The following CCDC171 variants were observed in gnomAD, a reference collection of about 807,000 sequenced individuals.
The protein encoded by CCDC171 is coiled-coil domain containing 171, also known as coiled-coil domain-containing protein 171.
In CCDC171, 177 loss-of-function variants were observed where a neutral mutation model predicts 168.2. The ratio of observed to expected loss-of-function variants is 1.05; its 90% CI spans 0.93 to 1.19. The LOEUF (loss-of-function observed/expected upper bound fraction) is 1.19. CCDC171 is among the 50% of genes most tolerant of loss of function. The pLI is 0.00. For synonymous variants in CCDC171, 687 were observed against 540.8 expected (o/e 1.27, Z -3.75); for missense variants, 1,991 against 1,539.0 (o/e 1.29, Z -4.91).
At chr9:15,681,173 C>G (rs2050019227) in intron 10 of CCDC171, among the ~76,000 whole-genome samples, 2 of 152,052 alleles carry the variant, frequency 1.3e-5, no homozygotes, top group Non-Finnish European at 2.9e-5. Flanking sequence ...TTGTATTAAC[C>G]CATTAAACAC....
At chr9:15,610,492 T>A (rs1389609379) in intron 6 of CCDC171, among the ~76,000 whole-genome samples, 1 of 77,544 alleles carries the variant, frequency 1.3e-5, no homozygotes, top group East Asian at 5.2e-4. Context: ...CTGGGCGTGG[T>A]GGTGGGTGCC....
chr9:15,676,071 C>G (rs1351313874), intron 9 of CCDC171, among the ~76,000 whole-genome samples: 1 of 152,152 alleles, frequency 6.6e-6, no homozygotes, highest in Admixed American at 6.6e-5. Context: ...TTGTTCATTT[C>G]TTTTTACTCT....
intron 3 of CCDC171, among the ~76,000 whole-genome samples, chr9:15,992,895 A>G (rs1398850639): frequency 1.3e-5 from 2 of 152,190 alleles, no homozygotes; most frequent in Admixed American, 6.5e-5. Context: ...AAGGGATGTG[A>G]AGGACCTCTT....
At chr9:15,990,207 C>T (rs1478867040) in intron 3 of CCDC171, among the ~76,000 whole-genome samples, 2 of 152,064 alleles carry the variant, frequency 1.3e-5, no homozygotes, top group East Asian at 1.9e-4. Flanking sequence ...AAAGGGAAGC[C>T]CATCAGACTG....
chr9:16,041,500 G>A (rs1340009258), upstream of CCDC171, among the ~76,000 whole-genome samples: 4 of 152,196 alleles, frequency 2.6e-5, no homozygotes, highest in South Asian at 2.1e-4. Flanking sequence ...ATGGTAAAGG[G>A]AGGGCAATGA....
At chr9:15,712,954 A>G (rs556968585) in intron 11 of CCDC171, among the ~76,000 whole-genome samples, 2 of 152,330 alleles carry the variant, frequency 1.3e-5, no homozygotes, top group Middle Eastern at 3.4e-3. Context: ...CCTCCTGATT[A>G]TTAAGATCCT....
intron 7 of CCDC171, among the ~76,000 whole-genome samples, chr9:15,644,415 C>T (rs1432431588): frequency 1.3e-5 from 2 of 152,078 alleles, no homozygotes; most frequent in East Asian, 1.9e-4. Flanking sequence ...GGGTGCAGCC[C>T]AGTGAGCGTG....
chr9:15,981,541 T>C (rs1831795843), intron 3 of CCDC171, among the ~76,000 whole-genome samples: 2 of 152,214 alleles, frequency 1.3e-5, no homozygotes, highest in South Asian at 4.1e-4. Flanking sequence ...TGCTGATTTA[T>C]GTATGATGAG....
At chr9:15,845,460 A>C (rs1018726430) in intron 21 of CCDC171, among the ~76,000 whole-genome samples, 2 of 152,166 alleles carry the variant, frequency 1.3e-5, no homozygotes, top group African/African-American at 4.8e-5. Flanking sequence ...ACCTGGTTTG[A>C]CTGATGATGG....
At chr9:15,734,739 A>C (rs916439125) in intron 16 of CCDC171, among the ~76,000 whole-genome samples, 2 of 152,118 alleles carry the variant, frequency 1.3e-5, no homozygotes, top group Non-Finnish European at 2.9e-5. Context: ...TTAATTCTAT[A>C]TCTTTTACCA....
chr9:15,938,717 G>C (rs1251850159), intron 25 of CCDC171, among the ~76,000 whole-genome samples: 2 of 151,812 alleles, frequency 1.3e-5, no homozygotes, highest in Non-Finnish European at 2.9e-5. Context: ...GATAGAATCT[G>C]AATTCAGCTT....
intron 21 of CCDC171, among the ~76,000 whole-genome samples, chr9:15,825,421 TA>T (rs1256958438): frequency 6.6e-6 from 1 of 152,148 alleles, no homozygotes; most frequent in Non-Finnish European, 1.5e-5. Flanking sequence ...GTGGATGCTT[TA>T]CATACGTTCT....
intron 3 of CCDC171, among the ~76,000 whole-genome samples, chr9:15,982,760 T>G (rs1174894423): frequency 6.6e-6 from 1 of 152,074 alleles, no homozygotes; most frequent in East Asian, 1.9e-4. Flanking sequence ...CCGACTCACT[T>G]AATTTTCCAG....
At chr9:15,610,589 T>C (rs2043608497) in intron 6 of CCDC171, among the ~76,000 whole-genome samples, 1 of 150,014 alleles carries the variant, frequency 6.7e-6, no homozygotes, top group South Asian at 2.1e-4. Context: ...GCTGGTGCCA[T>C]TACACTCCAG....
intron 6 of CCDC171, among the ~76,000 whole-genome samples, chr9:16,028,373 C>T (rs1336146146): frequency 6.6e-6 from 1 of 151,942 alleles, no homozygotes; most frequent in African/African-American, 2.4e-5. Context: ...TGATACTCAG[C>T]GATGTGGGTA....
chr9:15,586,620 A>G lies in CCDC171; in HGVS notation c.353-4746A>G, dbSNP rs1313251210. The stretch of plus-strand genomic sequence containing the variant: ...TAGATGAAAGCTGTTTGAGAGGCAG[A>G]TAGGTCCTTAGATTTCCTTCCAAGA... On this transcript the variant is annotated intron_variant, in intron 4 of 25. Transcript: ENST00000380701. Among the ~76,000 whole-genome samples, 3 of 152,160 alleles carry G rather than the reference A, an allele frequency of 2.0e-5. No individual in the cohort carries two copies. The East Asian group carries it at 5.8e-4, about 29-fold the overall frequency.
intron 20 of CCDC171, among the ~76,000 whole-genome samples, chr9:15,783,936 A>G (rs2057801033): frequency 6.6e-6 from 1 of 152,176 alleles, no homozygotes; most frequent in African/African-American, 2.4e-5. Flanking sequence ...TGGGGATGCT[A>G]CACCTTTATA....
intron 25 of CCDC171, among the ~76,000 whole-genome samples, chr9:15,951,079 C>T (rs190341176): frequency 1.7e-4 from 25 of 148,424 alleles, no homozygotes; most frequent in African/African-American, 6.0e-4. Flanking sequence ...GCTAGGTATC[C>T]TAAATATATA....
chr9:15,928,136 T>C (rs1415470362), intron 25 of CCDC171, among the ~76,000 whole-genome samples: 1 of 151,594 alleles, frequency 6.6e-6, no homozygotes, highest in Non-Finnish European at 1.5e-5. Flanking sequence ...GAGACTGCAA[T>C]GTGGAATAAG....
Sources: allele counts gnomAD v4.1 joint callset (sites outside exome capture counted in the v4.1 genomes callset), GRCh38; gene constraint gnomAD v4.1.1; transcripts MANE v1.5; gene names NCBI Gene and HGNC (gene_info 2026-07-23, HGNC 2026-07-21).